OTOF: variants seen among roughly 807,000 people sequenced by gnomAD.
OTOF encodes the protein otoferlin, also known as fer-1-like family member 2.
Under a neutral mutation model 236.8 loss-of-function variants are expected in OTOF, and 218 were observed. That is an observed-to-expected ratio of 0.92 (90% CI 0.82 to 1.03). OTOF has a LOEUF of 1.03. Among genes scored for constraint, OTOF ranks in the 50% least tolerant of loss-of-function variants. The pLI is 0.00. For synonymous variants in OTOF, 1,041 were observed against 1,072.5 expected, an observed-to-expected ratio of 0.97 and a Z score of 0.57; for missense variants, 2,590 against 2,694.4, an observed-to-expected ratio of 0.96 and a Z score of 0.86.
chr2:26,469,748 C>A (rs1664892897), intron 32 of OTOF, among the ~76,000 whole-genome samples: 1 of 152,240 alleles, frequency 6.6e-6, no homozygotes, highest in East Asian at 1.9e-4. Flanking sequence ...AAACTGCTGT[C>A]TTGTTCACTT....
intron 8 of OTOF, among the ~76,000 whole-genome samples, chr2:26,499,589 C>A (rs13426324): frequency 0.24 from 36,858 of 151,960 alleles, 5,335 homozygotes; most frequent in East Asian, 0.5. Context: ...CTCACTACAA[C>A]CTCCACTTTC....
intron 4 of OTOF, among the ~76,000 whole-genome samples, chr2:26,518,792 C>T (rs1359495328): frequency 6.6e-6 from 1 of 152,216 alleles, no homozygotes; most frequent in African/African-American, 2.4e-5. Flanking sequence ...GGCAGGGGTG[C>T]CTACTGTGGG....
intron 11 of OTOF, 146 bp from the exon 12 acceptor site, chr2:26,484,779 T>A: frequency 1.3e-6 from 1 of 774,226 alleles, no homozygotes; most frequent in Non-Finnish European, 2.1e-6. Context: ...TGCCTGTCCC[T>A]AGCCCAGGGT....
intron 1 of OTOF, among the ~76,000 whole-genome samples, chr2:26,551,601 TCC>T (rs1447999283): frequency 6.6e-6 from 1 of 152,104 alleles, no homozygotes; most frequent in African/African-American, 2.4e-5. Context: ...GTGGTCATCT[TCC>T]CCCTTTGAGG....
At chr2:26,534,273 C>G (rs901456076) in intron 2 of OTOF, among the ~76,000 whole-genome samples, 3 of 152,170 alleles carry the variant, frequency 2.0e-5, no homozygotes, top group Admixed American at 2.0e-4. Flanking sequence ...TTACTCTGGC[C>G]TCTCCCCTGG....
Position 26,477,751 on chromosome 2 carries a change from T to C in OTOF, c.2215-2A>G, listed in dbSNP as rs1665388923. On this transcript the variant is annotated splice_acceptor_variant, in intron 18 of 46. Coordinates refer to ENST00000272371, the MANE Select transcript of OTOF (RefSeq NM_194248.3). LOFTEE classifies it high-confidence loss of function. The surrounding 1 kb of genome is among the most constrained non-coding windows in gnomAD (Gnocchi z 4.7). ...CTGTATGTCGTTCAGGCCTTCTTCC[T>C]GTGAATCAGGAGTGTGGGTGATGCT... The C allele has an allele frequency of 6.2e-7, 1 of 1,612,714 alleles. No homozygotes were observed. Among genetic ancestry groups the C allele is most frequent in the Non-Finnish European group, 8.5e-7 (1 of 1,179,940 alleles).
rs145151677 is a variant in OTOF at position 26,474,015 on chromosome 2, G to C, written c.3384C>G (p.Pro1128=). The C allele has an allele frequency of 3.1e-6, 5 of 1,612,882 alleles. No homozygotes were observed. Among genetic ancestry groups the C allele is most frequent in the African/African-American group, 1.3e-5 (1 of 74,886 alleles). The change falls in exon 27 of 47, where the codon CCC becomes CCG. Residue 1128 remains proline, a synonymous_variant. Coordinates refer to ENST00000272371, the MANE Select transcript of OTOF (RefSeq NM_194248.3). Reference sequence around the variant, plus strand: ...CCTCCACTCGGTACTTGCTGAGCACGGGCCGGATGCCCATGGGCACGGGCA... The same window carrying C: ...CCTCCACTCGGTACTTGCTGAGCACCGGCCGGATGCCCATGGGCACGGGCA... ...PIMPVPMGIR[P]VLSKYRVEVL... is the part of the protein sequence containing the mutation.
chr2:26,553,265 A>T (rs1667507061), intron 1 of OTOF, among the ~76,000 whole-genome samples: 1 of 152,070 alleles, frequency 6.6e-6, no homozygotes. Flanking sequence ...CTTCCCCGAC[A>T]TGGAACTTGG....
chr2:26,471,134 A>G lies in OTOF; in HGVS notation c.3881T>C (p.Val1294Ala). ...CCCCACACTCACCACATCCACCTTGACAACAGCTTCAGAAGTCTGCAGAGG... is the reference window on the plus strand; with the variant it reads ...CCCCACACTCACCACATCCACCTTGGCAACAGCTTCAGAAGTCTGCAGAGG... ...VKLDATSEAVVKVDVAEEEKE... is the reference protein window; with the variant it reads ...VKLDATSEAVAKVDVAEEEKE... The change falls in exon 31 of 47, where the codon GTC (valine) becomes GCC (alanine). Residue 1294 changes from valine (V) to alanine (A), a missense_variant. Coordinates refer to ENST00000272371, the MANE Select transcript of OTOF (RefSeq NM_194248.3). 6.2e-7 allele frequency: 1 copy of G among 1,614,084 alleles called. No homozygotes were observed. Among genetic ancestry groups the G allele is most frequent in the Non-Finnish European group, 8.5e-7 (1 of 1,179,996 alleles).
rs962965095 is a variant in OTOF, at chr2:26,470,499, G to C, written c.4023+94C>G. 7.3e-6 allele frequency: 9 copies of C among 1,235,158 alleles called. No homozygotes were observed. The African/African-American group carries it at 1.3e-4, about 18-fold the overall frequency. 76.5% of individuals were successfully genotyped at this position (1,235,158 alleles called of 1,614,324 possible). A position where few individuals can be genotyped will look rare whatever the true frequency, so the allele number is the denominator to read the frequency against. ...ATCCCAAACTCACATGAATGGAGTTGGGATCCAGCTCTTGGGGGCCGTGGG... is the reference window on the plus strand; with the variant it reads ...ATCCCAAACTCACATGAATGGAGTTCGGATCCAGCTCTTGGGGGCCGTGGG... On this transcript the variant is annotated intron_variant, in intron 32 of 46. Coordinates refer to ENST00000272371, the MANE Select transcript of OTOF (RefSeq NM_194248.3). The surrounding 1 kb of genome is among the most constrained non-coding windows in gnomAD (Gnocchi z 4.3).
chr2:26,474,328 C>T (rs1176940774), intron 26 of OTOF, among the ~76,000 whole-genome samples, 185 bp downstream of exon 26: 1 of 142,898 alleles, frequency 7.0e-6, no homozygotes, highest in Non-Finnish European at 1.5e-5. Context: ...GGCCCTAACC[C>T]CCCAGGCCCC....
chr2:26,540,770 A>C (rs1464360055), intron 1 of OTOF, among the ~76,000 whole-genome samples: 1 of 152,136 alleles, frequency 6.6e-6, no homozygotes, highest in Admixed American at 6.5e-5. Context: ...GGCTGGCTGC[A>C]TCTGAGATAA....
intron 2 of OTOF, among the ~76,000 whole-genome samples, chr2:26,529,915 C>G (rs1666902713): frequency 6.6e-6 from 1 of 152,186 alleles, no homozygotes; most frequent in Non-Finnish European, 1.5e-5. Context: ...GCCCACAGGC[C>G]TCATTCAGCG....
rs892696633 is a variant in OTOF, at chr2:26,514,410, T to C, written c.509+2008A>G. Among the ~76,000 whole-genome samples the C allele has an allele frequency of 3.3e-5, 5 of 152,382 alleles. No individual in the cohort carries two copies. The East Asian group carries it at 9.6e-4, about 29-fold the overall frequency. On this transcript the variant is annotated intron_variant, in intron 5 of 46. Coordinates refer to ENST00000272371, the MANE Select transcript of OTOF (RefSeq NM_194248.3). The stretch of plus-strand genomic sequence containing the variant: ...CTGTGAGGAAGGGTCGGGGGAGCCC[T>C]CTTATCTCCAGATTCCTGGTGCCTA...
intron 1 of OTOF, among the ~76,000 whole-genome samples, chr2:26,555,842 C>A (rs1463245930): frequency 6.6e-6 from 1 of 152,172 alleles, no homozygotes; most frequent in Admixed American, 6.5e-5. Context: ...ACAAACACAT[C>A]GACCATTTGA....
At position 26,462,561 on chromosome 2, in the gene OTOF, T is replaced by G. The variant is rs1664531529; in HGVS notation, c.5193-380A>C. On this transcript the variant is annotated intron_variant, in intron 41 of 46. Transcript: ENST00000272371. This position sits in a 1 kb window ranked among gnomAD's most constrained non-coding sequence, Gnocchi z 4.7. The stretch of plus-strand genomic sequence containing the variant: ...TGTAATTATGAATGATGTAGTTCAT[T>G]TCAATCATTAAGAGTGAGGCTGAGT... Among the ~76,000 whole-genome samples the G allele has an allele frequency of 6.6e-6, 1 of 152,234 alleles. No individual in the cohort carries two copies. Among genetic ancestry groups the G allele is most frequent in the South Asian group, 2.1e-4 (1 of 4,824 alleles).
rs776022904 is a variant in OTOF at position 26,477,046 on chromosome 2, G to A, written c.2524-3C>T. On this transcript the variant is annotated splice_polypyrimidine_tract_variant and splice_region_variant and intron_variant, in intron 21 of 46. Transcript: ENST00000272371. This position sits in a 1 kb window ranked among gnomAD's most constrained non-coding sequence, Gnocchi z 4.7. ...ATGTCGGGAATGCTGTGCTGGGGCT[G>A]GGGGTTGGGGGGTGGCCAGGGGCAG... The A allele has an allele frequency of 1.9e-6, 3 of 1,557,970 alleles. No individual in the cohort carries two copies. Among genetic ancestry groups the A allele is most frequent in the East Asian group, 4.7e-5 (2 of 42,720 alleles).
At chr2:26,553,310 G>A (rs1296401298) in intron 1 of OTOF, among the ~76,000 whole-genome samples, 1 of 152,070 alleles carries the variant, frequency 6.6e-6, no homozygotes, top group Non-Finnish European at 1.5e-5. Context: ...TGGTCTGGTC[G>A]GTCCCTCACC....
intron 1 of OTOF, among the ~76,000 whole-genome samples, chr2:26,538,858 G>C (rs186607070): frequency 5.7e-4 from 82 of 144,922 alleles, no homozygotes; most frequent in Middle Eastern, 3.9e-3. Flanking sequence ...TCTGTTCCCA[G>C]GCTGGATTGC....
Sources: gnomAD v4.1 joint callset for allele counts (sites outside exome capture counted in the v4.1 genomes callset) on GRCh38, gnomAD v4.1.1 for gene constraint, Gnocchi (gnomAD v3.1) non-coding constraint, MANE v1.5 for transcripts, NCBI Gene and HGNC (gene_info 2026-07-23, HGNC 2026-07-21) for gene names.